Variants in CACNA2D3 observed in about 807,000 individuals in gnomAD.
CACNA2D3 encodes the protein voltage-dependent calcium channel subunit alpha-2/delta-3.
Under a neutral mutation model 160.6 loss-of-function variants are expected in CACNA2D3, and 60 were observed. The observed-to-expected ratio is 0.37, with a 90% CI of 0.30 to 0.46. The LOEUF (loss-of-function observed/expected upper bound fraction) is 0.46, where lower values mean the gene tolerates loss of function less well. Ranked by LOEUF, CACNA2D3 falls within the 20% of genes least tolerant of loss-of-function variation. The probability of loss-of-function intolerance (pLI) is 1.00; values close to 1 mark genes in which losing one functional copy is unlikely to be tolerated. For synonymous variants in CACNA2D3, 558 were observed against 492.9 expected, an observed-to-expected ratio of 1.13 and a Z score of -1.75; for missense variants, 1,205 against 1,365.0, an observed-to-expected ratio of 0.88 and a Z score of 1.85.
At chr3:54,661,844 GTA>G (rs770890161) in intron 11 of CACNA2D3, among the ~76,000 whole-genome samples, 1,459 of 17,880 alleles carry the variant, frequency 0.082, 13 homozygotes, top group Middle Eastern at 0.19. Flanking sequence ...AGGGATGTGT[GTA>G]TGTGTGTGTG....
chr3:54,330,310 C>T (rs935749648), intron 3 of CACNA2D3, among the ~76,000 whole-genome samples: 1 of 150,968 alleles, frequency 6.6e-6, no homozygotes, highest in Non-Finnish European at 1.5e-5. Context: ...CTCACTGCAC[C>T]CAGTGACTCT....
intron 4 of CACNA2D3, among the ~76,000 whole-genome samples, chr3:54,437,861 A>C (rs1360970762): frequency 6.6e-6 from 1 of 152,234 alleles, no homozygotes; most frequent in African/African-American, 2.4e-5. Context: ...GTAACAAGGA[A>C]GACAGACACT....
chr3:54,935,651 C>T (rs1433327912), intron 27 of CACNA2D3, among the ~76,000 whole-genome samples: 2 of 152,106 alleles, frequency 1.3e-5, no homozygotes, highest in African/African-American at 4.8e-5. Flanking sequence ...GTGTTTTTTG[C>T]AGTTCTTGTT....
chr3:54,835,493 G>A (rs1339508820), intron 14 of CACNA2D3, among the ~76,000 whole-genome samples: 1 of 152,150 alleles, frequency 6.6e-6, no homozygotes, highest in Non-Finnish European at 1.5e-5. Flanking sequence ...AGAAGAACAA[G>A]GCAAAAGAAA....
intron 12 of CACNA2D3, 62 bp from the exon 13 acceptor site, chr3:54,764,156 T>C: frequency 6.3e-6 from 10 of 1,584,358 alleles, no homozygotes; most frequent in Non-Finnish European, 8.7e-6. Flanking sequence ...GGCATATGCA[T>C]ATTCCCAGTT....
chr3:54,687,139 T>TTTTTG (rs1647702682), intron 11 of CACNA2D3, among the ~76,000 whole-genome samples: 5 of 64,876 alleles, frequency 7.7e-5, no homozygotes, highest in African/African-American at 2.6e-4. Context: ...TTTTTTGTTT[T>TTTTTG]TTTTTTTTTT....
rs185032186 is a variant in CACNA2D3 at position 54,153,574 on chromosome 3, T to C, written c.204+29980T>C. On this transcript the variant is annotated intron_variant, in intron 2 of 37. Coordinates refer to ENST00000474759, the MANE Select transcript of CACNA2D3 (RefSeq NM_018398.3). ...GAGTTTGGGAGGAGAACTGGATGGA[T>C]AGATGCTAAAGAAATAATAAAACAA... Among the ~76,000 whole-genome samples the C allele has an allele frequency of 1.4e-3, 215 of 152,282 alleles. 2 individuals are homozygous for C. Among genetic ancestry groups the C allele is most frequent in the African/African-American group, 4.9e-3 (203 of 41,570 alleles).
intron 17 of CACNA2D3, among the ~76,000 whole-genome samples, chr3:54,849,208 A>G (rs1410419853): frequency 6.6e-6 from 1 of 152,204 alleles, no homozygotes; most frequent in Non-Finnish European, 1.5e-5. Flanking sequence ...GAGTCCTACC[A>G]TGTGAAGAAA....
In CACNA2D3 at chr3:54,586,030, C is replaced by T. The variant is rs374268476; in HGVS notation, c.963+4153C>T. ...CTGTAATCCTAGCACTTTGGGAGGC[C>T]GAGGCAGGCAGATCATGGGGTCAGG... On this transcript the variant is annotated intron_variant, in intron 9 of 37. Coordinates refer to ENST00000474759, the MANE Select transcript of CACNA2D3 (RefSeq NM_018398.3). 8.6e-5 allele frequency among the ~76,000 whole-genome samples: 13 copies of T among 152,016 alleles called. No individual in the cohort carries two copies. In the East Asian group the frequency reaches 1.4e-3, roughly 16 times the overall value.
At chr3:54,848,762 A>G (rs139580776) in intron 17 of CACNA2D3, among the ~76,000 whole-genome samples, 1,731 of 152,244 alleles carry the variant, frequency 0.011, 31 homozygotes, top group African/African-American at 0.039. Flanking sequence ...CACTACATCC[A>G]CACTATGTGA....
intron 11 of CACNA2D3, among the ~76,000 whole-genome samples, chr3:54,700,812 G>C (rs1269098423): frequency 6.6e-6 from 1 of 152,170 alleles, no homozygotes; most frequent in African/African-American, 2.4e-5. Flanking sequence ...TGTGAGACAG[G>C]AGCTATCACT....
chr3:54,724,141 T>TAAACCAACAAAGATTG (rs1186963641), intron 11 of CACNA2D3, among the ~76,000 whole-genome samples: 2 of 152,162 alleles, frequency 1.3e-5, no homozygotes, highest in East Asian at 3.9e-4. Flanking sequence ...AAACAGACTT[T>TAAACCAACAAAGATTG]AAACCAACAA....
At chr3:54,405,892 A>G (rs1052899156) in intron 4 of CACNA2D3, among the ~76,000 whole-genome samples, 1 of 152,080 alleles carries the variant, frequency 6.6e-6, no homozygotes, top group Non-Finnish European at 1.5e-5. Context: ...TGCAAAGGAC[A>G]TTAGTATACA....
At chr3:54,780,722 A>T (rs965271213) in intron 13 of CACNA2D3, among the ~76,000 whole-genome samples, 2 of 152,220 alleles carry the variant, frequency 1.3e-5, no homozygotes, top group Admixed American at 6.5e-5. Context: ...AGAAAGCCTG[A>T]TATCTTGATA....
chr3:54,725,977 CTG>C (rs1575443224), intron 11 of CACNA2D3, among the ~76,000 whole-genome samples: 1 of 152,146 alleles, frequency 6.6e-6, no homozygotes, highest in East Asian at 1.9e-4. Context: ...CAAATGGTCT[CTG>C]TTTGCAGATG....
intron 2 of CACNA2D3, among the ~76,000 whole-genome samples, chr3:54,181,944 T>A (rs1700791812): frequency 6.6e-6 from 1 of 152,152 alleles, no homozygotes; most frequent in Admixed American, 6.5e-5. Flanking sequence ...ATTATATTTA[T>A]AATGGTTTGA....
intron 5 of CACNA2D3, among the ~76,000 whole-genome samples, chr3:54,509,442 G>C (rs762755270): frequency 1.3e-5 from 2 of 152,076 alleles, no homozygotes; most frequent in Non-Finnish European, 2.9e-5. Flanking sequence ...TTTGGATTAG[G>C]CTCCAATCTT....
At chr3:54,489,774 A>G (rs1430169221) in intron 4 of CACNA2D3, among the ~76,000 whole-genome samples, 3 of 152,316 alleles carry the variant, frequency 2.0e-5, no homozygotes, top group Non-Finnish European at 4.4e-5. Flanking sequence ...TAATACTTGT[A>G]TTTGAATTTT....
intron 13 of CACNA2D3, among the ~76,000 whole-genome samples, chr3:54,780,684 C>T (rs1428316230): frequency 6.6e-6 from 1 of 152,188 alleles, no homozygotes. Flanking sequence ...GCTAATTGCT[C>T]TGGGCCAGAC....
Sources: gnomAD v4.1 joint callset for allele counts (sites outside exome capture counted in the v4.1 genomes callset) on GRCh38, gnomAD v4.1.1 for gene constraint, MANE v1.5 for transcripts, NCBI Gene and HGNC (gene_info 2026-07-23, HGNC 2026-07-21) for gene names.